The following FHIT variants were observed in gnomAD, a reference collection of about 807,000 sequenced individuals.
FHIT encodes fragile histidine triad diadenosine triphosphatase, also known as bis(5'-adenosyl)-triphosphatase.
In FHIT, 19 loss-of-function variants were observed where a neutral mutation model predicts 17.9. The ratio of observed to expected loss-of-function variants is 1.06; its 90% CI spans 0.74 to 1.56. The LOEUF (loss-of-function observed/expected upper bound fraction) is 1.56, where lower values mean the gene tolerates loss of function less well. Among genes scored for constraint, FHIT ranks in the 40% most tolerant of loss-of-function variants. FHIT has a pLI of 0.00. For synonymous variants in FHIT, 81 were observed against 69.7 expected, an observed-to-expected ratio of 1.16 and a Z score of -0.81; for missense variants, 248 against 189.2, an observed-to-expected ratio of 1.31 and a Z score of -1.82.
chr3:60,275,616 T>C lies in FHIT; in HGVS notation c.103+261244A>G, dbSNP rs767369410. Among the ~76,000 whole-genome samples the C allele has an allele frequency of 1.1e-3, 168 of 152,216 alleles. 6 individuals carry two copies. The highest frequency in any genetic ancestry group is 3.4e-3 in the Middle Eastern group (1 of 294). On this transcript the variant is annotated intron_variant, in intron 5 of 9. Coordinates refer to ENST00000492590, the MANE Select transcript of FHIT (RefSeq NM_002012.4). ...AAACCTGAGTTCACAGATGTTGTCT[T>C]AGTCAATGCCATACACACACACACA... is the stretch of plus-strand genomic sequence containing the variant.
intron 3 of FHIT, among the ~76,000 whole-genome samples, chr3:61,005,480 A>T (rs2107612190): frequency 6.6e-6 from 1 of 152,134 alleles, no homozygotes; most frequent in East Asian, 1.9e-4. Flanking sequence ...GGCAGCGGTG[A>T]CAAATGATGG....
chr3:61,054,281 C>A (rs909499940), intron 2 of FHIT, among the ~76,000 whole-genome samples: 4 of 152,110 alleles, frequency 2.6e-5, no homozygotes, highest in African/African-American at 9.7e-5. Flanking sequence ...CTGGGCTGAA[C>A]AGGTGTAATT....
At chr3:61,096,524 G>A (rs1055651605) in intron 2 of FHIT, among the ~76,000 whole-genome samples, 1 of 152,168 alleles carries the variant, frequency 6.6e-6, no homozygotes, top group African/African-American at 2.4e-5. Context: ...AGAGAGGTAG[G>A]GGATGGATCT....
At chr3:59,977,536 A>C (rs554276219) in intron 7 of FHIT, among the ~76,000 whole-genome samples, 84 of 152,312 alleles carry the variant, frequency 5.5e-4, no homozygotes, top group African/African-American at 1.9e-3. Flanking sequence ...CAAGCCTCGA[A>C]GAGGTTATCA....
intron 4 of FHIT, among the ~76,000 whole-genome samples, chr3:60,578,387 A>G (rs1238998872): frequency 6.7e-6 from 1 of 150,366 alleles, no homozygotes; most frequent in Non-Finnish European, 1.5e-5. Context: ...CAGTGAGCCG[A>G]GATCTCACCA....
At chr3:60,948,328 T>C (rs1422843288) in intron 3 of FHIT, among the ~76,000 whole-genome samples, 1 of 152,206 alleles carries the variant, frequency 6.6e-6, no homozygotes, top group Non-Finnish European at 1.5e-5. Context: ...GATGCCAGCC[T>C]TGGATCCATT....
At chr3:60,283,031 G>A (rs933928384) in intron 5 of FHIT, among the ~76,000 whole-genome samples, 1 of 152,092 alleles carries the variant, frequency 6.6e-6, no homozygotes, top group Non-Finnish European at 1.5e-5. Context: ...GGTAACAGAT[G>A]GCAGAACCCT....
intron 3 of FHIT, among the ~76,000 whole-genome samples, chr3:60,842,716 A>G (rs2106873106): frequency 6.8e-6 from 1 of 148,106 alleles, no homozygotes; most frequent in Admixed American, 6.8e-5. Flanking sequence ...TCCACATAAG[A>G]TTAAGGTGTG....
chr3:60,396,022 T>C (rs2107172118), intron 5 of FHIT, among the ~76,000 whole-genome samples: 1 of 152,170 alleles, frequency 6.6e-6, no homozygotes, highest in East Asian at 1.9e-4. Context: ...CACCAACAGC[T>C]AACACACCAA....
At chr3:60,738,846 G>A (rs557537456) in intron 4 of FHIT, among the ~76,000 whole-genome samples, 4 of 152,298 alleles carry the variant, frequency 2.6e-5, no homozygotes, top group East Asian at 1.9e-4. Context: ...GGAGACCTGC[G>A]GCCCCTAAGT....
chr3:60,104,085 C>G lies in FHIT; in HGVS notation c.104-89933G>C, dbSNP rs540491697. Among the ~76,000 whole-genome samples the G allele has an allele frequency of 3.4e-4, 51 of 152,166 alleles. 1 individual carries two copies. Among genetic ancestry groups the G allele is most frequent in the Admixed American group, 3.3e-4 (5 of 15,276 alleles). On this transcript the variant is annotated intron_variant, in intron 5 of 9. Transcript: ENST00000492590. Reference sequence around the variant, plus strand: ...TTGAGAAGAGTGAGGAAGGTAGACTCTTTTTAAACCATGCCACAGGCAAAA... The same window carrying G: ...TTGAGAAGAGTGAGGAAGGTAGACTGTTTTTAAACCATGCCACAGGCAAAA...
At chr3:60,523,022 A>C (rs11719552) in intron 5 of FHIT, among the ~76,000 whole-genome samples, 15,984 of 152,196 alleles carry the variant, frequency 0.11, 1,143 homozygotes, top group South Asian at 0.27. Context: ...AAAAGGAAAA[A>C]TGAGAGCCAA....
chr3:60,706,475 T>C (rs1372791580), intron 4 of FHIT, among the ~76,000 whole-genome samples: 1 of 152,188 alleles, frequency 6.6e-6, no homozygotes, highest in Non-Finnish European at 1.5e-5. Context: ...TTCACAGTGG[T>C]GTTGAAAGAT....
intron 5 of FHIT, among the ~76,000 whole-genome samples, chr3:60,088,467 A>G (rs181913320): frequency 7.9e-4 from 120 of 152,316 alleles, no homozygotes; most frequent in Middle Eastern, 3.4e-3. Flanking sequence ...CTTCATGCAT[A>G]AAGTGCTATT....
At chr3:60,719,595 C>A (rs1014569814) in intron 4 of FHIT, among the ~76,000 whole-genome samples, 1 of 152,170 alleles carries the variant, frequency 6.6e-6, no homozygotes, top group African/African-American at 2.4e-5. Context: ...CATGAACTGG[C>A]AGCGTCAGCA....
intron 3 of FHIT, among the ~76,000 whole-genome samples, chr3:60,942,372 T>C (rs1218818068): frequency 6.6e-6 from 1 of 152,216 alleles, no homozygotes; most frequent in Admixed American, 6.5e-5. Context: ...TCTCAATCTC[T>C]AGTCATGACA....
At chr3:60,341,122 G>A (rs764978060) in intron 5 of FHIT, among the ~76,000 whole-genome samples, 1 of 152,050 alleles carries the variant, frequency 6.6e-6, no homozygotes, top group Non-Finnish European at 1.5e-5. Flanking sequence ...GAGTATTCAC[G>A]GATTTTGTTA....
chr3:60,015,038 T>G (rs533680189), intron 5 of FHIT, among the ~76,000 whole-genome samples: 1 of 151,258 alleles, frequency 6.6e-6, no homozygotes, highest in Non-Finnish European at 1.5e-5. Context: ...ACACTATATA[T>G]ATAAATATTT....
chr3:60,928,374 A>G (rs1406443776), intron 3 of FHIT, among the ~76,000 whole-genome samples: 7 of 150,906 alleles, frequency 4.6e-5, no homozygotes, highest in Non-Finnish European at 8.9e-5. Flanking sequence ...CTTTAAAAAA[A>G]AAAAAGAAAA....
Sources: gnomAD v4.1 joint callset for allele counts (sites outside exome capture counted in the v4.1 genomes callset) on GRCh38, gnomAD v4.1.1 for gene constraint, MANE v1.5 for transcripts, NCBI Gene and HGNC (gene_info 2026-07-23, HGNC 2026-07-21) for gene names.